The following WHRN variants were observed in gnomAD, a reference collection of about 807,000 sequenced individuals.
WHRN encodes the protein whirlin.
In WHRN, 41 loss-of-function variants were observed where a neutral mutation model predicts 68.3. That is an observed-to-expected ratio of 0.60 (90% CI 0.47 to 0.78). The LOEUF (loss-of-function observed/expected upper bound fraction) is 0.78, where lower values mean the gene tolerates loss of function less well. WHRN is among the 30% of genes least tolerant of loss of function. The pLI, the probability that WHRN is intolerant of heterozygous loss-of-function variation, is 0.00. For missense variants in WHRN, 1,243 were observed against 1,244.7 expected, an observed-to-expected ratio of 1.00 and a Z score of 0.02; for synonymous variants, 560 against 561.3, an observed-to-expected ratio of 1.00 and a Z score of 0.03.
intron 7 of WHRN, among the ~76,000 whole-genome samples, chr9:114,419,759 T>C (rs962019353): frequency 1.6e-4 from 24 of 152,312 alleles, no homozygotes; most frequent in African/African-American, 5.3e-4. Flanking sequence ...ATTACCATCC[T>C]CATTTTACAG....
At chr9:114,445,253 G>A (rs1189622768) in intron 3 of WHRN, among the ~76,000 whole-genome samples, 1 of 152,078 alleles carries the variant, frequency 6.6e-6, no homozygotes, top group African/African-American at 2.4e-5. Flanking sequence ...TGTTGCCCAG[G>A]CTAGTCTCAA....
intron 1 of WHRN, among the ~76,000 whole-genome samples, chr9:114,483,981 T>C (rs1269934104): frequency 6.6e-6 from 1 of 152,190 alleles, no homozygotes. Flanking sequence ...CCTGGAAAAC[T>C]GTCCTCAGTT....
intron 3 of WHRN, among the ~76,000 whole-genome samples, chr9:114,433,594 T>G (rs186137337): frequency 6.7e-6 from 1 of 149,336 alleles, no homozygotes; most frequent in Non-Finnish European, 1.5e-5. Context: ...TAATGGGCTG[T>G]TTTTTTTTCT....
chr9:114,491,180 T>C (rs969130531), intron 1 of WHRN, among the ~76,000 whole-genome samples: 4 of 152,210 alleles, frequency 2.6e-5, no homozygotes, highest in African/African-American at 9.6e-5. Flanking sequence ...AATAGATACG[T>C]TGATGGGATT....
intron 3 of WHRN, among the ~76,000 whole-genome samples, chr9:114,449,292 T>C (rs1746779321): frequency 6.6e-6 from 1 of 152,150 alleles, no homozygotes; most frequent in African/African-American, 2.4e-5. Context: ...TTCAGCCACT[T>C]GGGAATGAGA....
chr9:114,410,122 G>A (rs886541079), intron 7 of WHRN, among the ~76,000 whole-genome samples: 2 of 152,056 alleles, frequency 1.3e-5, no homozygotes, highest in East Asian at 1.9e-4. Flanking sequence ...AGACCTCAGC[G>A]AGGCCCTCCC....
intron 3 of WHRN, among the ~76,000 whole-genome samples, chr9:114,435,567 C>T (rs10114543): frequency 2.6e-4 from 40 of 152,328 alleles, no homozygotes; most frequent in African/African-American, 9.4e-4. Context: ...TTTAATCCAG[C>T]CCCTCATTCT....
At chr9:114,410,943 T>C (rs1455376932) in intron 7 of WHRN, among the ~76,000 whole-genome samples, 1 of 152,262 alleles carries the variant, frequency 6.6e-6, no homozygotes, top group Non-Finnish European at 1.5e-5. Context: ...CACCCAGTTC[T>C]GCCGCTTGCA....
chr9:114,483,002 C>T (rs1842210203), intron 1 of WHRN, among the ~76,000 whole-genome samples: 1 of 152,164 alleles, frequency 6.6e-6, no homozygotes, highest in African/African-American at 2.4e-5. Context: ...GGAGGCCAGC[C>T]CTGGGTCTCC....
At chr9:114,445,367 T>G (rs1838731662) in intron 3 of WHRN, among the ~76,000 whole-genome samples, 1 of 152,192 alleles carries the variant, frequency 6.6e-6, no homozygotes, top group African/African-American at 2.4e-5. Context: ...ATATTGCCTA[T>G]CTAATGTGGT....
intron 1 of WHRN, among the ~76,000 whole-genome samples, chr9:114,486,814 CAAAAAAAA>C (rs59992011): frequency 4.2e-5 from 3 of 71,212 alleles, no homozygotes; most frequent in African/African-American, 1.8e-4. Flanking sequence ...GCTTCCCAGG[CAAAAAAAA>C]AAAAAAAAAA....
chr9:114,455,412 A>T (rs1414661299), intron 3 of WHRN, among the ~76,000 whole-genome samples: 1 of 152,180 alleles, frequency 6.6e-6, no homozygotes, highest in East Asian at 1.9e-4. Context: ...GAAGACAAAG[A>T]CAAGCCACAG....
chr9:114,410,572 A>T (rs1835366290), intron 7 of WHRN, among the ~76,000 whole-genome samples: 1 of 152,224 alleles, frequency 6.6e-6, no homozygotes, highest in Non-Finnish European at 1.5e-5. Flanking sequence ...GAGAGAGGCC[A>T]GTCATGCCAC....
At chr9:114,433,360 A>G (rs545158651) in intron 3 of WHRN, among the ~76,000 whole-genome samples, 2 of 152,304 alleles carry the variant, frequency 1.3e-5, no homozygotes, top group South Asian at 4.1e-4. Flanking sequence ...CCATCCTCTC[A>G]GGCCGCGCGT....
chr9:114,444,904 T>TGG (rs1449354825), intron 3 of WHRN, among the ~76,000 whole-genome samples: 6 of 152,080 alleles, frequency 3.9e-5, no homozygotes, highest in African/African-American at 1.4e-4. Context: ...ATTTTATCCA[T>TGG]ATTATATTCC....
intron 2 of WHRN, among the ~76,000 whole-genome samples, chr9:114,468,493 A>G (rs1840915563): frequency 6.6e-6 from 1 of 152,122 alleles, no homozygotes; most frequent in South Asian, 2.1e-4. Context: ...GATGTCAGGA[A>G]AGAGTCCAAT....
chr9:114,480,918 C>T (rs112938272), intron 1 of WHRN, among the ~76,000 whole-genome samples: 2,354 of 152,250 alleles, frequency 0.015, 63 homozygotes, highest in African/African-American at 0.054. Context: ...CAGTGCTTCT[C>T]TCTGGGTGCT....
chr9:114,430,638 C>T (rs1837335202), intron 3 of WHRN, among the ~76,000 whole-genome samples: 3 of 152,190 alleles, frequency 2.0e-5, no homozygotes, highest in Admixed American at 2.0e-4. Flanking sequence ...TGCGTGAAAT[C>T]CCAGGTTGGC....
At chr9:114,495,934 T>C (rs181466196) in intron 1 of WHRN, among the ~76,000 whole-genome samples, 1 of 152,332 alleles carries the variant, frequency 6.6e-6, no homozygotes, top group East Asian at 1.9e-4. Flanking sequence ...AGTTTTCCTA[T>C]CCACATGGGA....
Sources: allele counts gnomAD v4.1 joint callset (sites outside exome capture counted in the v4.1 genomes callset), GRCh38; gene constraint gnomAD v4.1.1; transcripts MANE v1.5; gene names NCBI Gene and HGNC (gene_info 2026-07-23, HGNC 2026-07-21).